IL22: variants seen among roughly 807,000 people sequenced by gnomAD.
The protein encoded by IL22 is interleukin-22.
A neutral mutation model predicts 15.5 loss-of-function variants in IL22; 15 were observed. That is an observed-to-expected ratio of 0.97 (90% CI 0.65 to 1.49). IL22 has a LOEUF of 1.49. IL22 is among the 40% of genes most tolerant of loss of function. The pLI, the probability that IL22 is intolerant of heterozygous loss-of-function variation, is 0.00. For synonymous variants in IL22, 91 were observed against 82.0 expected (o/e 1.11, Z -0.60); for missense variants, 225 against 215.4 (o/e 1.04, Z -0.28).
rs775022336 is a variant in IL22, at chr12:68,253,479, AC to A, written c.-32del. 85 of 1,520,008 alleles carry A rather than the reference AC, an allele frequency of 5.6e-5. No homozygotes were observed. The highest frequency in any genetic ancestry group is 7.5e-5 in the Non-Finnish European group (84 of 1,124,330). 94.2% of individuals were successfully genotyped at this position (1,520,008 alleles called of 1,614,324 possible). A position where few individuals can be genotyped will look rare whatever the true frequency, so the allele number is the denominator to read the frequency against. ...ACAATTCTAACTCGAGCAACTGGTG[AC>A]TGGGGAAGGAGAACCTGGTCGAAGA... On this transcript the variant is annotated 5_prime_UTR_variant, in exon 2 of 6. Transcript: ENST00000538666.
chr12:68,249,878 G>C (rs1869867836), intron 5 of IL22, among the ~76,000 whole-genome samples: 1 of 151,722 alleles, frequency 6.6e-6, no homozygotes, highest in Non-Finnish European at 1.5e-5. Flanking sequence ...TACTTCTTTT[G>C]ACATAAGGCC....
Position 68,253,477 on chromosome 12 carries a change from T to G in IL22, c.-29A>C, listed in dbSNP as rs1226562956. On this transcript the variant is annotated 5_prime_UTR_variant, in exon 2 of 6. Transcript: ENST00000538666. ...AGACAATTCTAACTCGAGCAACTGG[T>G]GACTGGGGAAGGAGAACCTGGTCGA... is the stretch of plus-strand genomic sequence containing the variant. The G allele has an allele frequency of 6.6e-7, 1 of 1,523,210 alleles. No individual in the cohort carries two copies. The allele number at this position is 1,523,210 out of a possible 1,614,324, so 94.4% of individuals were successfully genotyped here.
rs1415876008 is a variant in IL22, at chr12:68,251,524, T to C, written c.451A>G (p.Thr151Ala). 6.2e-7 allele frequency: 1 copy of C among 1,610,848 alleles called. No individual in the cohort carries two copies. Among genetic ancestry groups the C allele is most frequent in the Non-Finnish European group, 8.5e-7 (1 of 1,177,052 alleles). The stretch of plus-strand genomic sequence containing the variant: ...GTTATCAGTCCTACCTTTTTCACTG[T>C]GTCCTTCAGCTTTTGCACATTCCTC... ...IQRNVQKLKD[T>A]VKKLGESGEI... The change falls in exon 5 of 6, where the codon ACA (threonine) becomes GCA (alanine). Residue 151 changes from threonine (T) to alanine (A), a missense_variant. By Grantham distance (58) the Thr-to-Ala change is moderately conservative. Coordinates refer to ENST00000538666, the MANE Select transcript of IL22 (RefSeq NM_020525.5).
intron 1 of IL22, 35 bp from the exon 2 acceptor site, chr12:68,253,529 C>G (rs770429814): frequency 1.7e-5 from 19 of 1,108,744 alleles, no homozygotes; most frequent in Non-Finnish European, 2.4e-5. Context: ...CAAAATTAGT[C>G]AAGAAGTATT....
At chr12:68,250,685 T>C (rs1360808495) in intron 5 of IL22, among the ~76,000 whole-genome samples, 1 of 152,158 alleles carries the variant, frequency 6.6e-6, no homozygotes, top group Non-Finnish European at 1.5e-5. Flanking sequence ...GGCCACATGA[T>C]GGTATCATTC....
intron 5 of IL22, among the ~76,000 whole-genome samples, chr12:68,249,806 T>C (rs1344032956): frequency 6.6e-6 from 1 of 152,198 alleles, no homozygotes; most frequent in Non-Finnish European, 1.5e-5. Flanking sequence ...TTGTCACCAT[T>C]GTCCTCTGTA....
chr12:68,253,281 G>A lies in IL22; in HGVS notation c.168C>T (p.Thr56=). 2 of 1,613,522 alleles carry A rather than the reference G, an allele frequency of 1.2e-6. No homozygotes were observed. Among genetic ancestry groups the A allele is most frequent in the African/African-American group, 1.3e-5 (1 of 75,012 alleles). The change falls in exon 2 of 6, where the codon ACC becomes ACT. Residue 56 remains threonine, a synonymous_variant. Transcript: ENST00000538666. The part of the protein sequence containing the change: ...NFQQPYITNR[T]FMLAKEASLA... ...TGTATACCTCCTTAGCCAGCATGAA[G>A]GTGCGGTTGGTGATATAGGGCTGCT... is the stretch of plus-strand genomic sequence containing the variant.
In IL22 at chr12:68,253,080, AG is replaced by A. The variant is rs1869994765; in HGVS notation, c.186+182del. On this transcript the variant is annotated intron_variant, in intron 2 of 5. Coordinates refer to ENST00000538666, the MANE Select transcript of IL22 (RefSeq NM_020525.5). ...TATCATAAAGGCCAAAATGGAAGGAAGAAGTTCAAGAAAAAAAAAAAAGCCA... is the reference window on the plus strand; with the variant it reads ...TATCATAAAGGCCAAAATGGAAGGAAAAGTTCAAGAAAAAAAAAAAAGCCA... Among the ~76,000 whole-genome samples the A allele has an allele frequency of 3.6e-5, 4 of 111,890 alleles. No homozygotes were observed. The South Asian group carries it at 1.0e-3, about 28-fold the overall frequency. 73.4% of individuals were successfully genotyped at this position (111,890 alleles called of 152,430 possible).
chr12:68,251,496 A>G lies in IL22; in HGVS notation c.462+17T>C, dbSNP rs1869929238. 1 of 1,573,938 alleles carries G rather than the reference A, an allele frequency of 6.4e-7. No individual in the cohort carries two copies. The highest frequency in any genetic ancestry group is 8.7e-7 in the Non-Finnish European group (1 of 1,143,362). The stretch of plus-strand genomic sequence containing the variant: ...TCTCCTATTGCATGACTTAGCATTG[A>G]CAGTTATCAGTCCTACCTTTTTCAC... On this transcript the variant is annotated intron_variant, in intron 5 of 5. Coordinates refer to ENST00000538666, the MANE Select transcript of IL22 (RefSeq NM_020525.5).
chr12:68,252,650 G>T lies in IL22; in HGVS notation c.253-3C>A, dbSNP rs775331327. 1.2e-6 allele frequency: 2 copies of T among 1,613,990 alleles called. No individual in the cohort carries two copies. The highest frequency in any genetic ancestry group is 1.7e-6 in the Non-Finnish European group (2 of 1,179,902). ...ATCAGATAGCAGCGCTCACTCATCT[G>T]CAGGTGGAAGGGAAACAGAAAGGGT... On this transcript the variant is annotated splice_region_variant and splice_polypyrimidine_tract_variant and intron_variant, in intron 3 of 5. Transcript: ENST00000538666.
rs372364610 is a variant in IL22 at position 68,253,371 on chromosome 12, G to A, written c.78C>T (p.Leu26=). ...LATSCLLLLA[L]LVQGGAAAPI... is the part of the protein sequence containing the mutation. ...GCGCAGCTGCTCCTCCCTGTACCAA[G>A]AGGGCCAAGAGAAGGAGGCAGCTGG... The change falls in exon 2 of 6, where the codon CTC becomes CTT. Residue 26 remains leucine, a synonymous_variant. Transcript: ENST00000538666. 6.2e-7 allele frequency: 1 copy of A among 1,613,534 alleles called. No homozygotes were observed. Among genetic ancestry groups the A allele is most frequent in the African/African-American group, 1.3e-5 (1 of 74,888 alleles).
intron 4 of IL22, among the ~76,000 whole-genome samples, chr12:68,252,275 T>G (rs991020396): frequency 2.6e-5 from 4 of 152,220 alleles, no homozygotes; most frequent in Non-Finnish European, 5.9e-5. Context: ...ATGCGGCTTC[T>G]GTACACTTAA....
chr12:68,251,787 C>T (rs1194095491), intron 4 of IL22, among the ~76,000 whole-genome samples: 1 of 152,142 alleles, frequency 6.6e-6, no homozygotes, highest in Non-Finnish European at 1.5e-5. Context: ...TACAAGAGAC[C>T]TCTCTTCATC....
rs761470796 is a variant in IL22, at chr12:68,251,509, C to T, written c.462+4G>A. ...GACTTAGCATTGACAGTTATCAGTC[C>T]TACCTTTTTCACTGTGTCCTTCAGC... On this transcript the variant is annotated splice_donor_region_variant and intron_variant, in intron 5 of 5. Transcript: ENST00000538666. 10 of 1,601,542 alleles carry T rather than the reference C, an allele frequency of 6.2e-6. No homozygotes were observed. Among genetic ancestry groups the T allele is most frequent in the Non-Finnish European group, 8.6e-6 (10 of 1,168,630 alleles).
Position 68,252,796 on chromosome 12 carries a change from G to A in IL22, c.220C>T (p.Leu74Phe), listed in dbSNP as rs756878926. 1 of 1,613,948 alleles carries A rather than the reference G, an allele frequency of 6.2e-7. No individual in the cohort carries two copies. Among genetic ancestry groups the A allele is most frequent in the Non-Finnish European group, 8.5e-7 (1 of 1,179,908 alleles). Residue 74 changes from leucine to phenylalanine, a missense_variant, in exon 3 of 6, where the codon CTC becomes TTC. Leu to Phe is a conservative substitution (Grantham distance 22). Transcript: ENST00000538666. Reference protein sequence around the residue: ...SLADNNTDVRLIGEKLFHGVS... With the variant: ...SLADNNTDVRFIGEKLFHGVS... ...CCGTGGAACAGTTTCTCCCCAATGA[G>A]ACGAACGTCTGTGTTGTTATCAGCC...
intron 4 of IL22, 121 bp from the exon 5 acceptor site, chr12:68,251,699 A>ATGACCTAGATTTCAACAG: frequency 1.4e-6 from 1 of 727,518 alleles, no homozygotes. Flanking sequence ...TTTGCCCACA[A>ATGACCTAGATTTCAACAG]TGACCTAGAT....
rs772527346 is a variant in IL22 at position 68,253,314 on chromosome 12, G to A, written c.135C>T (p.Ser45=). 1 of 1,613,852 alleles carries A rather than the reference G, an allele frequency of 6.2e-7. No individual in the cohort carries two copies. The highest frequency in any genetic ancestry group is 1.7e-5 in the Admixed American group (1 of 60,012). ...TGGTGATATAGGGCTGCTGGAAGTTGGACTTGTCAAGCCTGCAGTGGGAGC... is the reference window on the plus strand; with the variant it reads ...TGGTGATATAGGGCTGCTGGAAGTTAGACTTGTCAAGCCTGCAGTGGGAGC... The part of the protein sequence containing the change: ...PISSHCRLDK[S]NFQQPYITNR... Residue 45 remains serine, a synonymous_variant, in exon 2 of 6, where the codon TCC becomes TCT. Transcript: ENST00000538666.
At chr12:68,250,998 C>T (rs916298069) in intron 5 of IL22, among the ~76,000 whole-genome samples, 4 of 152,058 alleles carry the variant, frequency 2.6e-5, no homozygotes, top group African/African-American at 9.7e-5. Context: ...TATGCAAGTC[C>T]AGCTCTTTTC....
chr12:68,253,404 G>A lies in IL22; in HGVS notation c.45C>T (p.Thr15=), dbSNP rs922908917. Residue 15 remains threonine, a synonymous_variant, in exon 2 of 6, where the codon ACC becomes ACT. Coordinates refer to ENST00000538666, the MANE Select transcript of IL22 (RefSeq NM_020525.5). ...QKSVSSFLMG[T]LATSCLLLLA... is the part of the protein sequence containing the mutation. ...AGAGAAGGAGGCAGCTGGTGGCCAG[G>A]GTCCCCATAAGGAAAGAGCTCACAG... The A allele has an allele frequency of 1.9e-6, 3 of 1,611,988 alleles. No homozygotes were observed. The highest frequency in any genetic ancestry group is 2.7e-5 in the African/African-American group (2 of 74,800).
Sources: allele counts gnomAD v4.1 joint callset (sites outside exome capture counted in the v4.1 genomes callset), GRCh38; gene constraint gnomAD v4.1.1; transcripts MANE v1.5; gene names NCBI Gene and HGNC (gene_info 2026-07-23, HGNC 2026-07-21).